CNTNAP2: variants seen among roughly 807,000 people sequenced by gnomAD.
CNTNAP2 encodes contactin associated protein 2, also known as contactin-associated protein-like 2.
Under a neutral mutation model 155.2 loss-of-function variants are expected in CNTNAP2, and 98 were observed. That is an observed-to-expected ratio of 0.63 (90% confidence interval 0.54 to 0.75). The LOEUF is 0.75. Among genes scored for constraint, CNTNAP2 ranks in the 30% least tolerant of loss-of-function variants. CNTNAP2 has a pLI of 0.00. For synonymous variants in CNTNAP2, 651 were observed against 631.2 expected (o/e 1.03, Z -0.47); for missense variants, 1,727 against 1,688.1 (o/e 1.02, Z -0.40).
chr7:146,822,016 T>C (rs906833611), intron 2 of CNTNAP2, among the ~76,000 whole-genome samples: 5 of 152,036 alleles, frequency 3.3e-5, no homozygotes, highest in Non-Finnish European at 5.9e-5. Flanking sequence ...TAAAGACACA[T>C]GCACACGTAT....
intron 15 of CNTNAP2, among the ~76,000 whole-genome samples, chr7:148,051,262 C>G (rs1802884417): frequency 6.6e-6 from 1 of 152,022 alleles, no homozygotes; most frequent in Non-Finnish European, 1.5e-5. Context: ...TTAAGTTGGC[C>G]TATGTTCTTT....
intron 1 of CNTNAP2, among the ~76,000 whole-genome samples, chr7:146,640,480 T>C (rs1200316584): frequency 6.6e-6 from 1 of 152,228 alleles, no homozygotes; most frequent in Admixed American, 6.5e-5. Flanking sequence ...ATGTCAATTC[T>C]CCTTTTTCCT....
At chr7:148,345,370 GTTTA>G (rs1563051676) in intron 21 of CNTNAP2, among the ~76,000 whole-genome samples, 1 of 135,242 alleles carries the variant, frequency 7.4e-6, no homozygotes, top group Non-Finnish European at 1.7e-5. Context: ...TTGTTTGTTT[GTTTA>G]TTTTTTGAGA....
intron 1 of CNTNAP2, among the ~76,000 whole-genome samples, chr7:146,371,638 A>G (rs2129102827): frequency 6.6e-6 from 1 of 151,816 alleles, no homozygotes; most frequent in East Asian, 2.0e-4. Flanking sequence ...GGCCAGTATT[A>G]GTTCTTTTGT....
intron 1 of CNTNAP2, among the ~76,000 whole-genome samples, chr7:146,162,101 G>A (rs1798232572): frequency 6.6e-6 from 1 of 152,108 alleles, no homozygotes; most frequent in African/African-American, 2.4e-5. Flanking sequence ...CATAGGCATG[G>A]GCAAGGGCTT....
rs72096624 is a variant in CNTNAP2, at chr7:146,727,026, CT to C, written c.98-47237del. ...GGGATAAGGAAGAGATTGATTTTTG[CT>C]TTTTTTTCTGCTGAAGTTATAAATG... On this transcript the variant is annotated intron_variant, in intron 1 of 23. Coordinates refer to ENST00000361727, the MANE Select transcript of CNTNAP2 (RefSeq NM_014141.6). Among the ~76,000 whole-genome samples the C allele has an allele frequency of 6.9e-3, 1,042 of 151,678 alleles. 9 individuals are homozygous for C. The highest frequency in any genetic ancestry group is 0.024 in the African/African-American group (994 of 41,374).
At chr7:147,422,947 G>GA (rs567877236) in intron 10 of CNTNAP2, among the ~76,000 whole-genome samples, 321 of 152,068 alleles carry the variant, frequency 2.1e-3, no homozygotes, top group Middle Eastern at 3.4e-3. Context: ...GTTGGCAAAA[G>GA]AAAAAAACAA....
intron 5 of CNTNAP2, among the ~76,000 whole-genome samples, chr7:147,111,234 T>C (rs1800872907): frequency 6.6e-6 from 1 of 152,198 alleles, no homozygotes; most frequent in African/African-American, 2.4e-5. Context: ...TTTTGTCTTG[T>C]AAATTTAAGT....
In CNTNAP2 at chr7:147,978,077, C is replaced by A. The variant is rs1285404892; in HGVS notation, c.2383+88C>A. 8 of 1,534,360 alleles carry A rather than the reference C, an allele frequency of 5.2e-6. No individual in the cohort carries two copies. The East Asian group carries it at 1.8e-4, about 35-fold the overall frequency. On this transcript the variant is annotated intron_variant, in intron 15 of 23. Coordinates refer to ENST00000361727, the MANE Select transcript of CNTNAP2 (RefSeq NM_014141.6). ...TCCTCAGAAGATGCCTGCAATCAGA[C>A]TTGCTCTCCTGTAGCTCCTACAGAA...
chr7:146,905,915 C>G (rs1796112444), intron 3 of CNTNAP2, among the ~76,000 whole-genome samples: 2 of 152,174 alleles, frequency 1.3e-5, no homozygotes, highest in Non-Finnish European at 2.9e-5. Context: ...GAGTGCCAGA[C>G]AGTGGGCGCA....
chr7:148,069,365 T>C (rs1803334466), intron 15 of CNTNAP2, among the ~76,000 whole-genome samples: 2 of 152,180 alleles, frequency 1.3e-5, no homozygotes, highest in African/African-American at 4.8e-5. Flanking sequence ...ATTAATACTC[T>C]GAGTGGAGAC....
chr7:148,404,500 CA>C (rs1210296804), intron 22 of CNTNAP2, among the ~76,000 whole-genome samples: 1 of 102,134 alleles, frequency 9.8e-6, no homozygotes, highest in African/African-American at 4.1e-5. Flanking sequence ...GGACTTGCAA[CA>C]GGGTACAGCT....
intron 1 of CNTNAP2, among the ~76,000 whole-genome samples, chr7:146,537,211 A>G (rs866279939): frequency 1.3e-5 from 2 of 152,098 alleles, no homozygotes; most frequent in Non-Finnish European, 2.9e-5. Context: ...AATGTGTCCT[A>G]TTTGGAGGGA....
intron 6 of CNTNAP2, among the ~76,000 whole-genome samples, chr7:147,124,450 T>C (rs2129283501): frequency 6.6e-6 from 1 of 152,268 alleles, no homozygotes. Context: ...ATAGCATTTG[T>C]TAATTTTCAT....
intron 23 of CNTNAP2, among the ~76,000 whole-genome samples, chr7:148,411,884 G>A (rs1171722914): frequency 6.6e-6 from 1 of 150,982 alleles, no homozygotes; most frequent in Non-Finnish European, 1.5e-5. Flanking sequence ...TATTTTCTGG[G>A]CTTTTTGTTT....
At chr7:147,185,944 T>A (rs977819087) in intron 8 of CNTNAP2, among the ~76,000 whole-genome samples, 1 of 152,190 alleles carries the variant, frequency 6.6e-6, no homozygotes, top group Non-Finnish European at 1.5e-5. Flanking sequence ...AAGACATGAC[T>A]TTGCTTCTTT....
intron 3 of CNTNAP2, among the ~76,000 whole-genome samples, chr7:147,033,217 A>T (rs1259384234): frequency 7.4e-6 from 1 of 134,710 alleles, no homozygotes; most frequent in Non-Finnish European, 1.6e-5. Flanking sequence ...ATATGTTGGC[A>T]TGTCTCACAA....
At chr7:147,460,934 A>G (rs1193242577) in intron 10 of CNTNAP2, among the ~76,000 whole-genome samples, 1 of 152,212 alleles carries the variant, frequency 6.6e-6, no homozygotes, top group East Asian at 1.9e-4. Context: ...GGCCGAATAC[A>G]TTGACTTATT....
intron 1 of CNTNAP2, among the ~76,000 whole-genome samples, chr7:146,182,219 A>C (rs1798559392): frequency 6.6e-6 from 1 of 152,158 alleles, no homozygotes; most frequent in African/African-American, 2.4e-5. Context: ...TGAGAAAAAG[A>C]TTCTAGAGAC....
Sources: gnomAD v4.1 joint callset for allele counts (sites outside exome capture counted in the v4.1 genomes callset) on GRCh38, gnomAD v4.1.1 for gene constraint, MANE v1.5 for transcripts, NCBI Gene and HGNC (gene_info 2026-07-23, HGNC 2026-07-21) for gene names.